The following TTC28 variants were observed in gnomAD, a reference collection of about 807,000 sequenced individuals.
TTC28 encodes tetratricopeptide repeat domain 28.
In TTC28, 61 loss-of-function variants were observed where a neutral mutation model predicts 198.0. The ratio of observed to expected loss-of-function variants is 0.31; its 90% CI spans 0.25 to 0.38. TTC28 has a LOEUF of 0.38. Ranked by LOEUF, TTC28 falls within the 10% of genes least tolerant of loss-of-function variation. The pLI, the probability that TTC28 is intolerant of heterozygous loss-of-function variation, is 1.00. For synonymous variants in TTC28, 1,171 were observed against 1,297.8 expected (o/e 0.90, Z 2.10); for missense variants, 2,678 against 3,164.0 (o/e 0.85, Z 3.69).
intron 13 of TTC28, among the ~76,000 whole-genome samples, chr22:28,020,793 A>ACG (rs1938561985): frequency 6.6e-6 from 1 of 151,722 alleles, no homozygotes; most frequent in African/African-American, 2.4e-5. Flanking sequence ...ACACACACAC[A>ACG]CACACACACG....
At chr22:28,539,920 G>A (rs1012799231) in intron 2 of TTC28, among the ~76,000 whole-genome samples, 2 of 149,994 alleles carry the variant, frequency 1.3e-5, no homozygotes, top group African/African-American at 4.9e-5. Context: ...ATCTACTTCT[G>A]GGGAGGCCTC....
intron 2 of TTC28, among the ~76,000 whole-genome samples, chr22:28,541,452 G>A (rs1349852162): frequency 6.6e-6 from 1 of 152,148 alleles, no homozygotes; most frequent in Admixed American, 6.6e-5. Flanking sequence ...CAGGAAAAGA[G>A]TTCAACAAGT....
intron 2 of TTC28, among the ~76,000 whole-genome samples, chr22:28,341,928 A>G (rs1442029702): frequency 6.6e-6 from 1 of 152,142 alleles, no homozygotes; most frequent in African/African-American, 2.4e-5. Context: ...ACAGTGAGCT[A>G]TGATCATGCC....
intron 2 of TTC28, among the ~76,000 whole-genome samples, chr22:28,436,493 G>A (rs935253273): frequency 6.6e-6 from 1 of 152,160 alleles, no homozygotes; most frequent in Non-Finnish European, 1.5e-5. Flanking sequence ...GGAGGAGAAG[G>A]CTGAGTTAGT....
At chr22:28,209,135 T>C (rs2147172826) in intron 5 of TTC28, among the ~76,000 whole-genome samples, 1 of 152,310 alleles carries the variant, frequency 6.6e-6, no homozygotes, top group South Asian at 2.1e-4. Flanking sequence ...ATTAGAAAAC[T>C]GGTTGTACTT....
Position 28,530,069 on chromosome 22 carries a change from G to A in TTC28, c.381+99483C>T, listed in dbSNP as rs114061686. ...TGAACAGAGAATGACTTCGACGGTT[G>A]AGAGAAGAAGGCTTCAGATGATCGG... On this transcript the variant is annotated intron_variant, in intron 2 of 22. Coordinates refer to ENST00000397906, the MANE Select transcript of TTC28 (RefSeq NM_001145418.2). Among the ~76,000 whole-genome samples the A allele has an allele frequency of 4.5e-3, 689 of 152,334 alleles. 5 individuals are homozygous for A. The highest frequency in any genetic ancestry group is 0.016 in the African/African-American group (658 of 41,566).
intron 2 of TTC28, among the ~76,000 whole-genome samples, chr22:28,395,890 G>A (rs1012313710): frequency 4.6e-5 from 7 of 152,110 alleles, no homozygotes; most frequent in African/African-American, 1.7e-4. Context: ...ATCAGGAAAG[G>A]CATTTATAAA....
intron 2 of TTC28, among the ~76,000 whole-genome samples, chr22:28,506,623 C>T (rs2048617222): frequency 6.6e-6 from 1 of 152,200 alleles, no homozygotes; most frequent in African/African-American, 2.4e-5. Context: ...GACCTCCCAA[C>T]AGGGGTCTCC....
chr22:28,583,828 T>C (rs1223247888), intron 2 of TTC28, among the ~76,000 whole-genome samples: 1 of 152,118 alleles, frequency 6.6e-6, no homozygotes, highest in East Asian at 1.9e-4. Context: ...AGCAAAAACA[T>C]TTATACATGC....
chr22:28,620,120 G>A (rs771664232), intron 2 of TTC28, among the ~76,000 whole-genome samples: 3 of 152,166 alleles, frequency 2.0e-5, no homozygotes, highest in Non-Finnish European at 4.4e-5. Context: ...GGGAGGTCGA[G>A]GCAGGTGGAT....
chr22:28,661,213 G>A (rs960303514), intron 1 of TTC28, among the ~76,000 whole-genome samples: 1 of 152,044 alleles, frequency 6.6e-6, no homozygotes, highest in African/African-American at 2.4e-5. Flanking sequence ...GAACCCAGGA[G>A]GTGGAGGTTG....
At chr22:28,276,414 A>G (rs921530463) in intron 5 of TTC28, among the ~76,000 whole-genome samples, 6 of 152,188 alleles carry the variant, frequency 3.9e-5, no homozygotes, top group African/African-American at 1.4e-4. Flanking sequence ...CAAAGGAAAA[A>G]TAAGTACCTG....
chr22:28,271,863 A>G (rs564303917), intron 5 of TTC28, among the ~76,000 whole-genome samples: 2 of 152,124 alleles, frequency 1.3e-5, no homozygotes, highest in Admixed American at 6.5e-5. Context: ...TCGGCCTCCC[A>G]AAGTGCTGGG....
intron 6 of TTC28, among the ~76,000 whole-genome samples, chr22:28,162,314 T>G (rs990068092): frequency 1.3e-5 from 2 of 152,234 alleles, no homozygotes; most frequent in Non-Finnish European, 2.9e-5. Flanking sequence ...ACATTAAAAC[T>G]ATTAATATTA....
At chr22:28,674,894 T>C (rs1421448393) in intron 1 of TTC28, among the ~76,000 whole-genome samples, 1 of 151,108 alleles carries the variant, frequency 6.6e-6, no homozygotes, top group Non-Finnish European at 1.5e-5. Flanking sequence ...ATTGATAAGC[T>C]GATCCTAAAA....
intron 16 of TTC28, 147 bp from the exon 17 acceptor site, chr22:27,996,406 C>A (rs1230479533): frequency 3.5e-6 from 4 of 1,157,578 alleles, no homozygotes; most frequent in Non-Finnish European, 3.6e-6. Flanking sequence ...TGGCCTGGGG[C>A]ATCTGACTCA....
chr22:28,435,060 T>G (rs370209973), intron 2 of TTC28, among the ~76,000 whole-genome samples: 1 of 151,870 alleles, frequency 6.6e-6, no homozygotes, highest in Non-Finnish European at 1.5e-5. Context: ...AATTGAGAGA[T>G]ATCTACCAGC....
intron 2 of TTC28, among the ~76,000 whole-genome samples, chr22:28,585,964 C>T (rs952316441): frequency 1.1e-4 from 16 of 150,818 alleles, no homozygotes; most frequent in South Asian, 8.4e-4. Context: ...TATCCCTGAA[C>T]TTAAGGTACA....
chr22:28,213,771 A>G (rs1466494092), intron 5 of TTC28, among the ~76,000 whole-genome samples: 2 of 152,054 alleles, frequency 1.3e-5, no homozygotes, highest in East Asian at 1.9e-4. Flanking sequence ...CAGAATTGGA[A>G]AAAACTACTT....
Sources: gnomAD v4.1 joint callset for allele counts (sites outside exome capture counted in the v4.1 genomes callset) on GRCh38, gnomAD v4.1.1 for gene constraint, MANE v1.5 for transcripts, NCBI Gene and HGNC (gene_info 2026-07-23, HGNC 2026-07-21) for gene names.